Variants in PTPRT observed in about 807,000 individuals in gnomAD.
The protein encoded by PTPRT is receptor-type tyrosine-protein phosphatase T.
Under a neutral mutation model 176.8 loss-of-function variants are expected in PTPRT, and 56 were observed. The observed-to-expected ratio is 0.32, with a 90% CI of 0.26 to 0.40. PTPRT has a LOEUF of 0.40. Ranked by LOEUF, PTPRT falls within the 10% of genes least tolerant of loss-of-function variation. The pLI is 1.00. For missense variants in PTPRT, 1,540 were observed against 1,908.2 expected (o/e 0.81, Z 3.60); for synonymous variants, 783 against 739.0 (o/e 1.06, Z -0.96).
chr20:42,782,919 A>G (rs987628416), intron 3 of PTPRT, among the ~76,000 whole-genome samples: 39 of 152,208 alleles, frequency 2.6e-4, no homozygotes, highest in African/African-American at 9.4e-4. Context: ...GAAGACTTTA[A>G]TCTATGTCTT....
chr20:42,968,316 A>T (rs751654745), intron 1 of PTPRT, among the ~76,000 whole-genome samples: 41 of 152,118 alleles, frequency 2.7e-4, no homozygotes, highest in Non-Finnish European at 4.0e-4. Flanking sequence ...TTAGCCTATG[A>T]TCTCCTTTAG....
In PTPRT at chr20:42,075,297, G is replaced by A. The variant is rs945964490; in HGVS notation, c.*5582C>T. 8.6e-6 allele frequency: 2 copies of A among 233,502 alleles called. No individual in the cohort carries two copies. Among genetic ancestry groups the A allele is most frequent in the African/African-American group, 4.4e-5 (2 of 45,356 alleles). 14.5% of individuals were successfully genotyped at this position (233,502 alleles called of 1,614,324 possible). On this transcript the variant is annotated 3_prime_UTR_variant, in exon 31 of 31. Transcript: ENST00000373187. ...AATGGGGAAGCCAAGTCAGGGATTT[G>A]AGATGACATGACTATCCACGTTTAT... is the stretch of plus-strand genomic sequence containing the variant.
intron 1 of PTPRT, among the ~76,000 whole-genome samples, chr20:43,062,688 G>T (rs958897829): frequency 6.6e-6 from 1 of 152,138 alleles, no homozygotes; most frequent in Admixed American, 6.5e-5. Context: ...ATGAATATGG[G>T]CCATGAAATC....
At chr20:42,790,550 C>T (rs547020715) in intron 3 of PTPRT, among the ~76,000 whole-genome samples, 2 of 152,292 alleles carry the variant, frequency 1.3e-5, no homozygotes, top group East Asian at 3.9e-4. Context: ...CCATGATCTG[C>T]TTGTCCCTGC....
the PTPRT span, among the ~76,000 whole-genome samples, chr20:42,061,479 G>A: frequency 6.6e-6 from 1 of 152,178 alleles, no homozygotes; most frequent in Non-Finnish European, 1.5e-5. Context: ...TTTTTAATGT[G>A]TTGATAGTTT....
intron 6 of PTPRT, among the ~76,000 whole-genome samples, chr20:42,718,630 A>G: frequency 2.0e-5 from 3 of 152,322 alleles, no homozygotes; most frequent in Middle Eastern, 6.8e-3. Flanking sequence ...CAAAAAATAT[A>G]TAATTTATGC....
intron 2 of PTPRT, among the ~76,000 whole-genome samples, chr20:42,861,756 C>T (rs892375217): frequency 6.6e-6 from 1 of 151,984 alleles, no homozygotes; most frequent in Non-Finnish European, 1.5e-5. Context: ...GAATACTGCT[C>T]ACAGAAGGTG....
At chr20:42,527,813 C>T (rs955269025) in intron 7 of PTPRT, among the ~76,000 whole-genome samples, 1 of 152,174 alleles carries the variant, frequency 6.6e-6, no homozygotes, top group Non-Finnish European at 1.5e-5. Flanking sequence ...ATTTGGCAAC[C>T]AAGACCAGCT....
At chr20:42,570,703 A>G (rs73276900) in intron 7 of PTPRT, among the ~76,000 whole-genome samples, 7,348 of 152,108 alleles carry the variant, frequency 0.048, 217 homozygotes, top group Middle Eastern at 0.11. Context: ...AGGGAGAGGG[A>G]AAAAAAGAGA....
chr20:42,445,363 C>G (rs6030248), intron 9 of PTPRT, among the ~76,000 whole-genome samples: 14,097 of 152,032 alleles, frequency 0.093, 1,223 homozygotes, highest in African/African-American at 0.22. Flanking sequence ...TTATTATTAC[C>G]TTGATTTTTC....
chr20:42,620,812 G>A (rs897570833), intron 7 of PTPRT, among the ~76,000 whole-genome samples: 131 of 152,182 alleles, frequency 8.6e-4, no homozygotes, highest in Middle Eastern at 3.4e-3. Flanking sequence ...CGCACGGTGC[G>A]CGCACCCACT....
chr20:42,771,401 A>C, intron 5 of PTPRT, 34 bp downstream of exon 5: 1 of 1,550,898 alleles, frequency 6.4e-7, no homozygotes. Context: ...TTCTCATCCT[A>C]ACGAGTCTGA....
chr20:42,882,286 G>A (rs74566476), intron 2 of PTPRT, among the ~76,000 whole-genome samples: 12 of 152,264 alleles, frequency 7.9e-5, no homozygotes, highest in Middle Eastern at 6.8e-3. Flanking sequence ...ATCCACAGGC[G>A]CATCATGACA....
chr20:42,418,925 C>G lies in PTPRT; in HGVS notation c.1560+29295G>C, dbSNP rs540968574. Among the ~76,000 whole-genome samples the G allele has an allele frequency of 9.2e-5, 14 of 152,306 alleles. No individual in the cohort carries two copies. In the South Asian group the frequency reaches 2.3e-3, roughly 25 times the overall value. On this transcript the variant is annotated intron_variant, in intron 9 of 30. Coordinates refer to ENST00000373187, the MANE Select transcript of PTPRT (RefSeq NM_007050.6). ...CAAATTTCATACAAGCTGCCTCCCA[C>G]TATAAGTAAAACATCAGCTCCCAGA...
At chr20:42,444,305 C>T (rs983592556) in intron 9 of PTPRT, among the ~76,000 whole-genome samples, 3 of 152,202 alleles carry the variant, frequency 2.0e-5, no homozygotes, top group African/African-American at 7.2e-5. Context: ...AATTAAACAA[C>T]TCCAAAAAGA....
intron 1 of PTPRT, among the ~76,000 whole-genome samples, chr20:43,001,875 C>A (rs372971622): frequency 0.024 from 3,118 of 130,216 alleles, 98 homozygotes; most frequent in African/African-American, 0.081. Flanking sequence ...AACAAACAAA[C>A]AAACAAAAAA....
At chr20:42,683,645 G>A (rs1014033949) in intron 6 of PTPRT, among the ~76,000 whole-genome samples, 8 of 152,070 alleles carry the variant, frequency 5.3e-5, no homozygotes, top group East Asian at 3.9e-4. Context: ...ACTTACTTTC[G>A]TGTAGCACAG....
intron 4 of PTPRT, among the ~76,000 whole-genome samples, chr20:42,773,616 G>C (rs1474434174): frequency 6.6e-6 from 1 of 152,174 alleles, no homozygotes; most frequent in African/African-American, 2.4e-5. Flanking sequence ...CCTGCATCTA[G>C]TCAACTTGAC....
At position 42,579,015 on chromosome 20, in the gene PTPRT, G is replaced by A. The variant is rs369239682; in HGVS notation, c.1153+98851C>T. Among the ~76,000 whole-genome samples the A allele has an allele frequency of 7.2e-4, 109 of 151,138 alleles. 2 individuals are homozygous for A. The South Asian group carries it at 0.021, about 29-fold the overall frequency. On this transcript the variant is annotated intron_variant, in intron 7 of 30. Coordinates refer to ENST00000373187, the MANE Select transcript of PTPRT (RefSeq NM_007050.6). ...GTTGGTGTGCTGCACCCATTAACTCGTCATTTAACATTAGGTATATCTTTT... is the reference window on the plus strand; with the variant it reads ...GTTGGTGTGCTGCACCCATTAACTCATCATTTAACATTAGGTATATCTTTT...
Sources: gnomAD v4.1 joint callset for allele counts (sites outside exome capture counted in the v4.1 genomes callset) on GRCh38, gnomAD v4.1.1 for gene constraint, MANE v1.5 for transcripts, NCBI Gene and HGNC (gene_info 2026-07-23, HGNC 2026-07-21) for gene names.